Variants in RTN4RL1 observed in about 807,000 individuals in gnomAD.
RTN4RL1 encodes reticulon-4 receptor-like 1.
A neutral mutation model predicts 25.6 loss-of-function variants in RTN4RL1; 7 were observed. That is an observed-to-expected ratio of 0.27 (90% CI 0.16 to 0.51). The LOEUF (loss-of-function observed/expected upper bound fraction) is 0.51. Among genes scored for constraint, RTN4RL1 ranks in the 20% least tolerant of loss-of-function variants. RTN4RL1 has a pLI of 0.97. For missense variants in RTN4RL1, 500 were observed against 615.6 expected (o/e 0.81, Z 1.99); for synonymous variants, 297 against 288.2 (o/e 1.03, Z -0.31).
At chr17:1,947,506 G>A (rs546811080) in intron 1 of RTN4RL1, among the ~76,000 whole-genome samples, 6 of 152,300 alleles carry the variant, frequency 3.9e-5, no homozygotes, top group Admixed American at 2.0e-4. Flanking sequence ...CCCTCCTCCC[G>A]ACACGCTGAA....
intron 1 of RTN4RL1, among the ~76,000 whole-genome samples, chr17:1,951,222 G>A (rs55783550): frequency 2.7e-5 from 4 of 150,284 alleles, no homozygotes; most frequent in South Asian, 4.2e-4. Flanking sequence ...CCAAGATCAC[G>A]CCACTGCACT....
chr17:1,954,782 G>A (rs967136416), intron 1 of RTN4RL1, among the ~76,000 whole-genome samples: 7 of 152,194 alleles, frequency 4.6e-5, no homozygotes, highest in Non-Finnish European at 1.0e-4. Flanking sequence ...TGTCTGTCAA[G>A]TCAATGAATG....
chr17:2,016,736 G>A (rs1473486864), intron 1 of RTN4RL1, among the ~76,000 whole-genome samples: 3 of 152,212 alleles, frequency 2.0e-5, no homozygotes, highest in East Asian at 3.9e-4. Flanking sequence ...GGGCTGCAGC[G>A]CCAGAGCATA....
intron 1 of RTN4RL1, among the ~76,000 whole-genome samples, chr17:1,961,271 G>A (rs185415511): frequency 1.3e-5 from 2 of 152,216 alleles, no homozygotes; most frequent in Non-Finnish European, 2.9e-5. Context: ...GGGAAGGGGG[G>A]CCTGGAAGGA....
chr17:1,937,137 A>G lies in RTN4RL1; in HGVS notation c.685T>C (p.Phe229Leu). The G allele has an allele frequency of 6.2e-7, 1 of 1,611,338 alleles. No homozygotes were observed. Among genetic ancestry groups the G allele is most frequent in the Non-Finnish European group, 8.5e-7 (1 of 1,179,192 alleles). ...TGCAGCTCCGAGAGGCTGTTGTTGA[A>G]GAGGAAGAGGGTGGTCAGCCTGCGG... is the stretch of plus-strand genomic sequence containing the variant. Reference protein sequence around the residue: ...DLRRLTTLFLFNNSLSELQGE... With the variant: ...DLRRLTTLFLLNNSLSELQGE... Residue 229 changes from phenylalanine (F) to leucine (L), a missense_variant, in exon 2 of 2, where the codon TTC (phenylalanine) becomes CTC (leucine). Physicochemically the swap from Phe to Leu is conservative, Grantham distance 22 (BLOSUM62 0). Coordinates refer to ENST00000331238, the MANE Select transcript of RTN4RL1 (RefSeq NM_178568.4).
At chr17:1,961,797 A>AAAC in intron 1 of RTN4RL1, among the ~76,000 whole-genome samples, 1 of 141,628 alleles carries the variant, frequency 7.1e-6, no homozygotes, top group Non-Finnish European at 1.5e-5. Context: ...AAAAAAAAAA[A>AAAC]ATTAGCAGGG....
intron 1 of RTN4RL1, among the ~76,000 whole-genome samples, chr17:1,963,137 C>T (rs1436944491): frequency 1.3e-5 from 2 of 152,076 alleles, no homozygotes; most frequent in East Asian, 3.9e-4. Context: ...AGGAGGGTCC[C>T]CGCTCTTTGG....
rs1434976161 is a variant in RTN4RL1, at chr17:1,936,761, T to C, written c.1061A>G (p.Lys354Arg). ...GPRPGHRKPGKNCTNPRNRNQ... is the reference protein window; with the variant it reads ...GPRPGHRKPGRNCTNPRNRNQ... ...GCGGTTCCTGGGGTTGGTGCAGTTC[T>C]TCCCCGGCTTCCTGTGGCCGGGCCG... Residue 354 changes from lysine (K) to arginine (R), a missense_variant, in exon 2 of 2, where the codon AAG (lysine) becomes AGG (arginine). Lys to Arg is a conservative substitution (Grantham distance 26). Transcript: ENST00000331238. 10 of 1,594,276 alleles carry C rather than the reference T, an allele frequency of 6.3e-6. No homozygotes were observed. The East Asian group carries it at 2.2e-4, about 36-fold the overall frequency.
chr17:2,008,269 C>CA (rs1312756963), intron 1 of RTN4RL1, among the ~76,000 whole-genome samples: 953 of 93,146 alleles, frequency 0.01, 7 homozygotes, highest in African/African-American at 0.024. Context: ...GACTCCATCT[C>CA]AAAAAAAAAA....
intron 1 of RTN4RL1, among the ~76,000 whole-genome samples, chr17:1,968,400 C>A (rs1057506692): frequency 6.6e-6 from 1 of 152,208 alleles, no homozygotes; most frequent in Non-Finnish European, 1.5e-5. Flanking sequence ...CGTCCTCTCT[C>A]CTGACAGATC....
At chr17:2,018,751 G>A (rs1229253764) in intron 1 of RTN4RL1, among the ~76,000 whole-genome samples, 10 of 152,092 alleles carry the variant, frequency 6.6e-5, no homozygotes, top group Admixed American at 3.9e-4. Flanking sequence ...CATCTGACAC[G>A]GAGGAATGAG....
intron 1 of RTN4RL1, among the ~76,000 whole-genome samples, chr17:2,021,166 A>T (rs2067195962): frequency 6.6e-6 from 1 of 152,150 alleles, no homozygotes; most frequent in Non-Finnish European, 1.5e-5. Flanking sequence ...TCATTAAGAG[A>T]TGCAAGGCAG....
chr17:1,964,152 G>A (rs770614340), intron 1 of RTN4RL1, among the ~76,000 whole-genome samples: 1 of 152,194 alleles, frequency 6.6e-6, no homozygotes, highest in Non-Finnish European at 1.5e-5. Flanking sequence ...TAGCTGCTAC[G>A]CACACGTGGC....
rs768689653 is a variant in RTN4RL1 at position 1,947,553 on chromosome 17, A to T, written c.14-9745T>A. Among the ~76,000 whole-genome samples, 49 of 152,210 alleles carry T rather than the reference A, an allele frequency of 3.2e-4. 1 individual carries two copies. The highest frequency in any genetic ancestry group is 8.8e-5 in the Non-Finnish European group (6 of 68,028). ...CTCCAGGTCCCTCCAGCACGCCAGG[A>T]TCGCTCTCAGCTGAGAAGTGGGCGG... On this transcript the variant is annotated intron_variant, in intron 1 of 1. Coordinates refer to ENST00000331238, the MANE Select transcript of RTN4RL1 (RefSeq NM_178568.4).
intron 1 of RTN4RL1, among the ~76,000 whole-genome samples, chr17:2,004,447 C>T (rs2066980356): frequency 6.6e-6 from 1 of 150,986 alleles, no homozygotes; most frequent in African/African-American, 2.4e-5. Flanking sequence ...GGCAGAGGCA[C>T]TGGGCTGAGG....
intron 1 of RTN4RL1, among the ~76,000 whole-genome samples, chr17:2,011,419 C>T (rs2151326240): frequency 6.6e-6 from 1 of 152,300 alleles, no homozygotes; most frequent in South Asian, 2.1e-4. Context: ...ACACGGCTGG[C>T]TCCACTGGGC....
At chr17:1,978,842 T>A (rs557775404) in intron 1 of RTN4RL1, among the ~76,000 whole-genome samples, 1 of 152,314 alleles carries the variant, frequency 6.6e-6, no homozygotes, top group Non-Finnish European at 1.5e-5. Context: ...CACACCCCAC[T>A]TCCAGTAACC....
chr17:1,940,579 G>C (rs867049892), intron 1 of RTN4RL1, among the ~76,000 whole-genome samples: 1 of 152,088 alleles, frequency 6.6e-6, no homozygotes, highest in African/African-American at 2.4e-5. Context: ...GGGTGTGTTG[G>C]GGGAGGAACC....
rs781093901 is a variant in RTN4RL1, at chr17:1,936,487, C to T, written c.*9G>A. 8.2e-5 allele frequency: 126 copies of T among 1,537,038 alleles called. No homozygotes were observed. The highest frequency in any genetic ancestry group is 9.9e-5 in the Non-Finnish European group (114 of 1,145,890). ...ATGTGGCAGTGCTGGGTGCTGACGC[C>T]CTGGGTCCTCAGCGGAGAGTGACCG... On this transcript the variant is annotated 3_prime_UTR_variant, in exon 2 of 2. Transcript: ENST00000331238.
Sources: allele counts gnomAD v4.1 joint callset (sites outside exome capture counted in the v4.1 genomes callset), GRCh38; gene constraint gnomAD v4.1.1; transcripts MANE v1.5; gene names NCBI Gene and HGNC (gene_info 2026-07-23, HGNC 2026-07-21).